Variants in TJP3 observed in about 807,000 individuals in gnomAD.
The protein encoded by TJP3 is tight junction protein ZO-3.
In TJP3, 85 loss-of-function variants were observed where a neutral mutation model predicts 104.2. That is an observed-to-expected ratio of 0.82 (90% confidence interval 0.68 to 0.98). The LOEUF (loss-of-function observed/expected upper bound fraction) is 0.98. Ranked by LOEUF, TJP3 falls within the 50% of genes least tolerant of loss-of-function variation. The pLI is 0.00. For missense variants in TJP3, 1,367 were observed against 1,322.8 expected (o/e 1.03, Z -0.52); for synonymous variants, 550 against 550.6 (o/e 1.00, Z 0.02).
chr19:3,715,970 G>A (rs1420267155), intron 1 of TJP3, among the ~76,000 whole-genome samples: 14 of 151,730 alleles, frequency 9.2e-5, no homozygotes, highest in Non-Finnish European at 1.8e-4. Flanking sequence ...GTAGAGATGG[G>A]GTTTCCCCAT....
intron 1 of TJP3, among the ~76,000 whole-genome samples, chr19:3,723,808 A>AAAAAAAT (rs368301716): frequency 7.8e-6 from 1 of 128,936 alleles, no homozygotes; most frequent in Non-Finnish European, 1.6e-5. Flanking sequence ...AAAAAAAAAA[A>AAAAAAAT]ATATATATAT....
chr19:3,717,809 G>C lies in TJP3; in HGVS notation c.-10+9248G>C, dbSNP rs540614448. Among the ~76,000 whole-genome samples the C allele has an allele frequency of 4.5e-4, 69 of 151,878 alleles. 2 individuals are homozygous for C. Among genetic ancestry groups the C allele is most frequent in the African/African-American group, 1.6e-3 (66 of 41,404 alleles). On this transcript the variant is annotated intron_variant, in intron 1 of 20. Coordinates refer to ENST00000541714, the MANE Select transcript of TJP3 (RefSeq NM_001267560.2). ...GTTGCCCAGGAATGAGAGTACAGTGGTGTGACCATGACTTACTGCAGCCTC... is the reference window on the plus strand; with the variant it reads ...GTTGCCCAGGAATGAGAGTACAGTGCTGTGACCATGACTTACTGCAGCCTC...
At chr19:3,737,525 C>G (rs1042312909) in intron 11 of TJP3, among the ~76,000 whole-genome samples, 2 of 152,082 alleles carry the variant, frequency 1.3e-5, no homozygotes. Flanking sequence ...CCTCCAGGAT[C>G]CACAGCCCCT....
intron 19 of TJP3, among the ~76,000 whole-genome samples, 177 bp from the exon 20 acceptor site, chr19:3,749,961 T>C (rs2036967783): frequency 6.6e-6 from 1 of 152,186 alleles, no homozygotes; most frequent in Admixed American, 6.5e-5. Flanking sequence ...GGCCTTCCCC[T>C]ATCCCAGCCT....
At chr19:3,737,062 T>C (rs1300390699) in intron 11 of TJP3, among the ~76,000 whole-genome samples, 2 of 149,878 alleles carry the variant, frequency 1.3e-5, no homozygotes, top group African/African-American at 4.9e-5. Flanking sequence ...GTGTTTTTAG[T>C]AGAGACAGGG....
chr19:3,746,816 G>C lies in TJP3; in HGVS notation c.2262G>C (p.Gln754His). Residue 754 changes from glutamine to histidine, a missense_variant, in exon 18 of 21, where the codon CAG (glutamine) becomes CAC (histidine). Gln to His is a conservative substitution (Grantham distance 24). Coordinates refer to ENST00000541714, the MANE Select transcript of TJP3 (RefSeq NM_001267560.2). The surrounding 1 kb of genome is among the most constrained non-coding windows in gnomAD (Gnocchi z 4.1). ...ATGGCACGAGTGACACCTGGTACCA[G>C]GAGCTCAAGGCCATCATTCGAGAGC... Reference protein sequence around the residue: ...PLNGTSDTWYQELKAIIREQQ... With the variant: ...PLNGTSDTWYHELKAIIREQQ... The C allele has an allele frequency of 6.2e-7, 1 of 1,612,230 alleles. No homozygotes were observed. The highest frequency in any genetic ancestry group is 8.5e-7 in the Non-Finnish European group (1 of 1,179,254).
intron 1 of TJP3, among the ~76,000 whole-genome samples, chr19:3,715,919 C>T (rs956162461): frequency 2.0e-5 from 3 of 151,900 alleles, no homozygotes; most frequent in Non-Finnish European, 4.4e-5. Context: ...GCTGGGATTA[C>T]AGGCACCCAC....
chr19:3,723,804 AAAAAAT>A (rs2036567543), intron 1 of TJP3, among the ~76,000 whole-genome samples: 2 of 91,278 alleles, frequency 2.2e-5, no homozygotes, highest in South Asian at 7.2e-4. Flanking sequence ...AAAGAAAAAA[AAAAAAT>A]ATATATATAT....
At chr19:3,747,352 C>T (rs1041720902) in intron 18 of TJP3, among the ~76,000 whole-genome samples, 62 of 152,070 alleles carry the variant, frequency 4.1e-4, no homozygotes, top group African/African-American at 1.3e-3. Context: ...TGAGCCACCG[C>T]GCCCAGCCTG....
rs1324892334 is a variant in TJP3, at chr19:3,746,596, G to A, written c.2122G>A (p.Ala708Thr). Residue 708 changes from alanine (A) to threonine (T), a missense_variant, in exon 17 of 21, where the codon GCA (alanine) becomes ACA (threonine). Ala to Thr is a moderately conservative substitution (Grantham distance 58, BLOSUM62 0). Transcript: ENST00000541714. This position sits in a 1 kb window ranked among gnomAD's most constrained non-coding sequence, Gnocchi z 4.1. ...CCCCGAGAGCCGGCCGGCCCTCAAG[G>A]CACTGCGCCAGTGGCTGGCGCCTGC... is the stretch of plus-strand genomic sequence containing the variant. Reference protein sequence around the residue: ...FIPESRPALKALRQWLAPASR... With the variant: ...FIPESRPALKTLRQWLAPASR... 1.9e-6 allele frequency: 3 copies of A among 1,613,694 alleles called. No individual in the cohort carries two copies. Among genetic ancestry groups the A allele is most frequent in the Non-Finnish European group, 2.5e-6 (3 of 1,179,940 alleles).
At chr19:3,739,444 C>G (rs1458611784) in intron 13 of TJP3, among the ~76,000 whole-genome samples, 1 of 152,086 alleles carries the variant, frequency 6.6e-6, no homozygotes, top group Non-Finnish European at 1.5e-5. Flanking sequence ...GAGCCGAGAT[C>G]ACGCCACTGC....
At chr19:3,728,789 A>AGTG (rs1374904156) in intron 3 of TJP3, 76 bp downstream of exon 3, 1 of 1,488,390 alleles carries the variant, frequency 6.7e-7, no homozygotes, top group East Asian at 2.3e-5. Context: ...ACAGTGACTC[A>AGTG]CACCCGTCAT....
At chr19:3,744,520 T>C (rs568319711) in intron 15 of TJP3, among the ~76,000 whole-genome samples, 48 of 151,690 alleles carry the variant, frequency 3.2e-4, no homozygotes, top group Non-Finnish European at 5.6e-4. Flanking sequence ...AAAAATTAGC[T>C]AGGTGTGGTG....
chr19:3,715,367 G>T (rs1003902688), intron 1 of TJP3, among the ~76,000 whole-genome samples: 3 of 152,286 alleles, frequency 2.0e-5, no homozygotes, highest in African/African-American at 7.2e-5. Context: ...GGGATTACAG[G>T]TGTGAGCCAC....
intron 19 of TJP3, among the ~76,000 whole-genome samples, 186 bp downstream of exon 19, chr19:3,748,267 A>AT (rs1274711670): frequency 0.038 from 4,557 of 119,668 alleles, 167 homozygotes; most frequent in African/African-American, 0.061. Context: ...AACTTGCAGC[A>AT]TTTTTTTTTT....
At chr19:3,738,793 A>C in intron 12 of TJP3, 104 bp from the exon 13 acceptor site, 1 of 1,326,914 alleles carries the variant, frequency 7.5e-7, no homozygotes, top group East Asian at 2.3e-5. Flanking sequence ...CCTGGCCCCT[A>C]CAGGGAGAGT....
intron 10 of TJP3, 113 bp downstream of exon 10, chr19:3,736,048 G>A (rs1388178340): frequency 1.3e-6 from 2 of 1,576,634 alleles, no homozygotes; most frequent in African/African-American, 1.4e-5. Context: ...GGACCATTAA[G>A]TGGGGGTTTT....
chr19:3,743,694 C>T (rs1369673463), intron 14 of TJP3: 2 of 439,660 alleles, frequency 4.5e-6, no homozygotes, highest in East Asian at 7.9e-5. Flanking sequence ...GGGCTTATTC[C>T]TGCCCTTGAA....
At chr19:3,713,724 C>A (rs952723979) in intron 1 of TJP3, among the ~76,000 whole-genome samples, 17 of 151,800 alleles carry the variant, frequency 1.1e-4, no homozygotes, top group African/African-American at 3.1e-4. Flanking sequence ...TTATTTATTT[C>A]TTTTTTTGAG....
Sources: gnomAD v4.1 joint callset for allele counts (sites outside exome capture counted in the v4.1 genomes callset) on GRCh38, gnomAD v4.1.1 for gene constraint, Gnocchi (gnomAD v3.1) non-coding constraint, MANE v1.5 for transcripts, NCBI Gene and HGNC (gene_info 2026-07-23, HGNC 2026-07-21) for gene names.